The following DSCAM variants were observed in gnomAD, a reference collection of about 807,000 sequenced individuals.
DSCAM encodes DS cell adhesion molecule, also known as cell adhesion molecule DSCAM.
DSCAM carries 47 observed loss-of-function variants against 217.7 expected under a neutral mutation model. The ratio of observed to expected loss-of-function variants is 0.22; its 90% CI spans 0.17 to 0.28. The LOEUF is 0.28. DSCAM is among the 10% of genes least tolerant of loss of function. DSCAM has a pLI of 1.00. For missense variants in DSCAM, 2,080 were observed against 2,618.3 expected (o/e 0.79, Z 4.49); for synonymous variants, 1,056 against 1,015.3 (o/e 1.04, Z -0.76).
chr21:40,501,820 G>A (rs1474273649), intron 3 of DSCAM, among the ~76,000 whole-genome samples: 1 of 152,204 alleles, frequency 6.6e-6, no homozygotes, highest in Non-Finnish European at 1.5e-5. Context: ...CGGAACTCCC[G>A]ACCTCAGGTG....
At chr21:40,751,601 A>G (rs2091229821) in intron 1 of DSCAM, among the ~76,000 whole-genome samples, 1 of 152,226 alleles carries the variant, frequency 6.6e-6, no homozygotes, top group South Asian at 2.1e-4. Context: ...ACATCTTAGC[A>G]AAATATTACT....
chr21:40,369,562 C>T (rs372621871), intron 3 of DSCAM, among the ~76,000 whole-genome samples: 19 of 152,014 alleles, frequency 1.2e-4, no homozygotes, highest in African/African-American at 4.3e-4. Context: ...CTTACAGCAA[C>T]GAAGTTGTCA....
intron 1 of DSCAM, among the ~76,000 whole-genome samples, chr21:40,839,149 C>CT (rs1310556539): frequency 6.6e-5 from 10 of 152,154 alleles, no homozygotes; most frequent in Admixed American, 6.5e-4. Context: ...ATGTGGCATT[C>CT]TTTTTCCCTT....
intron 3 of DSCAM, among the ~76,000 whole-genome samples, chr21:40,553,340 T>G (rs1305219156): frequency 2.6e-5 from 4 of 152,228 alleles, no homozygotes; most frequent in African/African-American, 7.2e-5. Context: ...CCAGCAACTT[T>G]TAGAGATCAA....
At chr21:40,014,928 A>G (rs2088130646) in intron 32 of DSCAM, among the ~76,000 whole-genome samples, 1 of 152,068 alleles carries the variant, frequency 6.6e-6, no homozygotes, top group Admixed American at 6.5e-5. Context: ...GATGCCGTTG[A>G]TATTTTTGTT....
chr21:40,353,840 C>T (rs1449557278), intron 4 of DSCAM, 97 bp from the exon 5 acceptor site: 2 of 1,071,308 alleles, frequency 1.9e-6, no homozygotes, highest in African/African-American at 1.7e-5. Context: ...TACGGTGCAT[C>T]ATACCAACTA....
chr21:40,159,929 T>C (rs765648312), intron 16 of DSCAM, among the ~76,000 whole-genome samples: 2 of 152,230 alleles, frequency 1.3e-5, no homozygotes, highest in Non-Finnish European at 2.9e-5. Flanking sequence ...CTATTTTTTG[T>C]TGGGAAAATT....
intron 3 of DSCAM, among the ~76,000 whole-genome samples, chr21:40,539,173 G>A (rs988591885): frequency 7.2e-5 from 11 of 152,222 alleles, no homozygotes; most frequent in Middle Eastern, 3.4e-3. Flanking sequence ...TGTCCACACC[G>A]GGTCCACCAG....
chr21:40,316,013 C>T (rs1373430077), intron 8 of DSCAM, among the ~76,000 whole-genome samples: 1 of 152,118 alleles, frequency 6.6e-6, no homozygotes, highest in Non-Finnish European at 1.5e-5. Flanking sequence ...TAGTAGTCAG[C>T]ATTTTTGTAA....
chr21:40,126,090 G>A (rs372176958), intron 19 of DSCAM, among the ~76,000 whole-genome samples: 40 of 152,252 alleles, frequency 2.6e-4, no homozygotes, highest in East Asian at 1.9e-3. Context: ...AATTAATTAC[G>A]TAAACCAATG....
At chr21:40,634,335 CCT>C (rs1157452505) in intron 3 of DSCAM, among the ~76,000 whole-genome samples, 3 of 152,192 alleles carry the variant, frequency 2.0e-5, no homozygotes, top group African/African-American at 7.2e-5. Context: ...CTGGCATCAG[CCT>C]CTGTCTGCAC....
intron 16 of DSCAM, among the ~76,000 whole-genome samples, chr21:40,166,815 T>G (rs776282893): frequency 3.3e-5 from 5 of 152,172 alleles, no homozygotes; most frequent in African/African-American, 9.7e-5. Flanking sequence ...CAGTGAGGAC[T>G]TGGCCTGTTT....
chr21:40,312,937 A>AC (rs2074155287), intron 8 of DSCAM, among the ~76,000 whole-genome samples: 1 of 151,788 alleles, frequency 6.6e-6, no homozygotes, highest in East Asian at 1.9e-4. Flanking sequence ...ACATAACGGG[A>AC]CCCCCATATC....
At chr21:40,776,486 A>C (rs1343389489) in intron 1 of DSCAM, among the ~76,000 whole-genome samples, 1 of 152,190 alleles carries the variant, frequency 6.6e-6, no homozygotes, top group Admixed American at 6.5e-5. Context: ...GAGATAATAC[A>C]AGAGGGTAAA....
intron 3 of DSCAM, chr21:40,615,396 T>G (rs2089379334): frequency 6.6e-6 from 1 of 151,142 alleles, no homozygotes; most frequent in African/African-American, 2.4e-5. Flanking sequence ...ATCAGCTTTA[T>G]TTTTTTTTAA....
At chr21:40,065,137 G>C (rs2089187772) in intron 27 of DSCAM, among the ~76,000 whole-genome samples, 1 of 152,140 alleles carries the variant, frequency 6.6e-6, no homozygotes, top group Non-Finnish European at 1.5e-5. Flanking sequence ...GTTGCAGGGA[G>C]TCCAGGAAAA....
chr21:40,809,391 A>T (rs1014074243), intron 1 of DSCAM, among the ~76,000 whole-genome samples: 1 of 152,200 alleles, frequency 6.6e-6, no homozygotes, highest in Non-Finnish European at 1.5e-5. Flanking sequence ...AGTGACTTCA[A>T]ATAGGCATGA....
intron 18 of DSCAM, among the ~76,000 whole-genome samples, chr21:40,139,022 G>A (rs2090253982): frequency 6.8e-6 from 1 of 147,952 alleles, no homozygotes; most frequent in Non-Finnish European, 1.5e-5. Context: ...TGGTGTGTGT[G>A]TAGTGTGTGT....
intron 3 of DSCAM, among the ~76,000 whole-genome samples, chr21:40,479,479 T>C (rs1420138598): frequency 6.6e-6 from 1 of 152,048 alleles, no homozygotes; most frequent in East Asian, 1.9e-4. Context: ...AAGGAAAGAG[T>C]TTTAATTGAC....
Sources: allele counts gnomAD v4.1 joint callset (sites outside exome capture counted in the v4.1 genomes callset), GRCh38; gene constraint gnomAD v4.1.1; transcripts MANE v1.5; gene names NCBI Gene and HGNC (gene_info 2026-07-23, HGNC 2026-07-21).